The following YPEL2 variants were observed in gnomAD, a reference collection of about 807,000 sequenced individuals.
The protein encoded by YPEL2 is protein yippee-like 2.
Under a neutral mutation model 19.1 loss-of-function variants are expected in YPEL2, and 2 were observed. The ratio of observed to expected loss-of-function variants is 0.10; its 90% CI spans 0.04 to 0.33. YPEL2 has a LOEUF of 0.33. Ranked by LOEUF, YPEL2 falls within the 10% of genes least tolerant of loss-of-function variation. YPEL2 has a pLI of 1.00. For synonymous variants in YPEL2, 52 were observed against 50.0 expected (o/e 1.04, Z -0.17); for missense variants, 66 against 140.7 (o/e 0.47, Z 2.68).
intron 2 of YPEL2, among the ~76,000 whole-genome samples, chr17:59,361,603 GA>G (rs2047841047): frequency 6.6e-6 from 1 of 151,950 alleles, no homozygotes; most frequent in Non-Finnish European, 1.5e-5. Flanking sequence ...TTATTACTCA[GA>G]TAGAGATCTT....
chr17:59,371,185 G>T (rs1031100761), intron 2 of YPEL2, among the ~76,000 whole-genome samples: 2 of 152,188 alleles, frequency 1.3e-5, no homozygotes, highest in African/African-American at 4.8e-5. Context: ...CATGGCCAAG[G>T]TGCCCTTTCG....
chr17:59,369,084 C>CT (rs1228951015), intron 2 of YPEL2, among the ~76,000 whole-genome samples: 1 of 152,180 alleles, frequency 6.6e-6, no homozygotes, highest in Non-Finnish European at 1.5e-5. Flanking sequence ...CCTGGGCCCT[C>CT]TGTCTCATCT....
chr17:59,340,432 T>C (rs2047723055), intron 1 of YPEL2, among the ~76,000 whole-genome samples: 1 of 150,454 alleles, frequency 6.6e-6, no homozygotes. Context: ...TTTTTTTTTT[T>C]TGAGACAGAG....
intron 2 of YPEL2, among the ~76,000 whole-genome samples, chr17:59,359,420 A>G (rs1448702436): frequency 6.6e-6 from 1 of 152,180 alleles, no homozygotes; most frequent in Non-Finnish European, 1.5e-5. Flanking sequence ...GTTAGTGGCT[A>G]CTGTGTCACA....
chr17:59,340,200 C>T (rs144006342), intron 1 of YPEL2, among the ~76,000 whole-genome samples: 1 of 152,004 alleles, frequency 6.6e-6, no homozygotes, highest in Non-Finnish European at 1.5e-5. Context: ...CTCCACCCCC[C>T]CAGGTTCAAG....
At position 59,353,792 on chromosome 17, in the gene YPEL2, C is replaced by T. The variant is rs2047799101; in HGVS notation, c.117+266C>T. The stretch of plus-strand genomic sequence containing the variant: ...GCTTGCAAGCCAGAGAAGGGAGGGG[C>T]TGGGGATTGATGGGAGCCTTGTTCT... On this transcript the variant is annotated intron_variant, in intron 2 of 4. Transcript: ENST00000312655. The surrounding 1 kb of genome is among the most constrained non-coding windows in gnomAD (Gnocchi z 4.8). 2.3e-6 allele frequency: 1 copy of T among 435,648 alleles called. No homozygotes were observed. The highest frequency in any genetic ancestry group is 2.0e-5 in the South Asian group (1 of 49,952). The allele number at this position is 435,648 out of a possible 1,614,324, so 27.0% of individuals were successfully genotyped here. A position where few individuals can be genotyped will look rare whatever the true frequency, so the allele number is the denominator to read the frequency against.
chr17:59,337,148 T>G (rs890495998), intron 1 of YPEL2, among the ~76,000 whole-genome samples: 2 of 152,096 alleles, frequency 1.3e-5, no homozygotes, highest in African/African-American at 2.4e-5. Flanking sequence ...AGCTACAGAT[T>G]CAATGCCCCC....
At chr17:59,392,953 C>T (rs910529504) in intron 4 of YPEL2, among the ~76,000 whole-genome samples, 1 of 152,094 alleles carries the variant, frequency 6.6e-6, no homozygotes, top group African/African-American at 2.4e-5. Context: ...CCTGGCCCTC[C>T]TTTCATTCCA....
At chr17:59,387,641 C>A (rs112524941) in intron 2 of YPEL2, among the ~76,000 whole-genome samples, 113 of 152,212 alleles carry the variant, frequency 7.4e-4, no homozygotes, top group African/African-American at 2.6e-3. Flanking sequence ...CTGTTCCCTG[C>A]CGCCCTCCAG....
chr17:59,356,152 T>C (rs534141240), intron 2 of YPEL2: 9 of 152,282 alleles, frequency 5.9e-5, no homozygotes, highest in African/African-American at 2.2e-4. Context: ...TTCTCCTCTC[T>C]TGACTTAATC....
At position 59,399,732 on chromosome 17, in the gene YPEL2, A is replaced by G. The variant is rs935280089; in HGVS notation, c.*2542A>G. On this transcript the variant is annotated 3_prime_UTR_variant, in exon 5 of 5. Transcript: ENST00000312655. ...ATGGGTTGTCTATCTAACATTGAGC[A>G]GCATTGGAGAGGCCACAGCTGAGCT... 3.3e-5 allele frequency: 5 copies of G among 152,694 alleles called. No individual in the cohort carries two copies. Among genetic ancestry groups the G allele is most frequent in the Admixed American group, 3.3e-4 (5 of 15,286 alleles). 9.5% of individuals were successfully genotyped at this position (152,694 alleles called of 1,614,324 possible). A position where few individuals can be genotyped will look rare whatever the true frequency, so the allele number is the denominator to read the frequency against.
chr17:59,337,993 C>T (rs2047708203), intron 1 of YPEL2, among the ~76,000 whole-genome samples: 1 of 152,196 alleles, frequency 6.6e-6, no homozygotes, highest in Admixed American at 6.5e-5. Flanking sequence ...GCAGAGTCTA[C>T]CTTCTCTCTG....
In YPEL2 at chr17:59,393,786, C is replaced by T. The variant is rs201122013; in HGVS notation, c.271-3315C>T. Among the ~76,000 whole-genome samples, 259 of 149,958 alleles carry T rather than the reference C, an allele frequency of 1.7e-3. 8 individuals carry two copies. The East Asian group carries it at 0.046, about 27-fold the overall frequency. ...TTGCACCGCCCTTAATCCATTTAAC[C>T]CTGAGTGGACACAGCACATGTTTCA... On this transcript the variant is annotated intron_variant, in intron 4 of 4. Transcript: ENST00000312655.
At chr17:59,363,078 C>T (rs1385012037) in intron 2 of YPEL2, 1 of 152,098 alleles carries the variant, frequency 6.6e-6, no homozygotes, top group Admixed American at 6.5e-5. Flanking sequence ...AACAAACACA[C>T]AAGATGGAAA....
At chr17:59,339,927 G>A (rs762328236) in intron 1 of YPEL2, among the ~76,000 whole-genome samples, 1 of 151,982 alleles carries the variant, frequency 6.6e-6, no homozygotes, top group East Asian at 1.9e-4. Flanking sequence ...CTCCCAAACT[G>A]CCCCCACTTC....
At chr17:59,339,932 C>G (rs765824043) in intron 1 of YPEL2, among the ~76,000 whole-genome samples, 1 of 152,048 alleles carries the variant, frequency 6.6e-6, no homozygotes, top group Non-Finnish European at 1.5e-5. Context: ...AAACTGCCCC[C>G]ACTTCCTACC....
At chr17:59,396,619 A>AG (rs1191149781) in intron 4 of YPEL2, among the ~76,000 whole-genome samples, 1 of 152,116 alleles carries the variant, frequency 6.6e-6, no homozygotes, top group South Asian at 2.1e-4. Context: ...CAGCTAAGCG[A>AG]GGGGGACATA....
chr17:59,386,324 T>TG (rs1251815567), intron 2 of YPEL2, among the ~76,000 whole-genome samples: 6 of 149,732 alleles, frequency 4.0e-5, no homozygotes, highest in South Asian at 4.2e-4. Flanking sequence ...GGGACTCTCT[T>TG]GGGGGAAAAA....
intron 2 of YPEL2, among the ~76,000 whole-genome samples, chr17:59,383,768 C>A (rs1428517377): frequency 6.7e-6 from 1 of 150,072 alleles, no homozygotes; most frequent in East Asian, 2.0e-4. Flanking sequence ...GTTAAACATT[C>A]TTTTTACCCA....
Sources: allele counts gnomAD v4.1 joint callset (sites outside exome capture counted in the v4.1 genomes callset), GRCh38; gene constraint gnomAD v4.1.1; non-coding constraint Gnocchi (gnomAD v3.1); transcripts MANE v1.5; gene names NCBI Gene and HGNC (gene_info 2026-07-23, HGNC 2026-07-21).